Variants in NSG2 observed in about 807,000 individuals in gnomAD.
NSG2 encodes neuronal vesicle trafficking-associated protein 2.
NSG2 carries 4 observed loss-of-function variants against 16.9 expected under a neutral mutation model. That is an observed-to-expected ratio of 0.24 (90% confidence interval 0.12 to 0.54). The LOEUF (loss-of-function observed/expected upper bound fraction) is 0.54, where lower values mean the gene tolerates loss of function less well. Among genes scored for constraint, NSG2 ranks in the 20% least tolerant of loss-of-function variants. NSG2 has a pLI of 0.95. For synonymous variants in NSG2, 98 were observed against 88.7 expected, an observed-to-expected ratio of 1.11 and a Z score of -0.59; for missense variants, 179 against 221.1, an observed-to-expected ratio of 0.81 and a Z score of 1.21.
chr5:174,106,873 G>A (rs538767740), intron 4 of NSG2, among the ~76,000 whole-genome samples: 2 of 152,180 alleles, frequency 1.3e-5, no homozygotes, highest in South Asian at 2.1e-4. Context: ...AATTACAGGC[G>A]TGAGCCACCG....
intron 4 of NSG2, among the ~76,000 whole-genome samples, chr5:174,106,882 C>T (rs12514077): frequency 9.2e-5 from 14 of 151,820 alleles, no homozygotes; most frequent in Admixed American, 2.6e-4. Flanking sequence ...CGTGAGCCAC[C>T]GCATCCGGCA....
chr5:174,097,989 G>T (rs533231275), intron 3 of NSG2, among the ~76,000 whole-genome samples: 10 of 152,240 alleles, frequency 6.6e-5, no homozygotes, highest in African/African-American at 1.9e-4. Context: ...CGACTCGCTT[G>T]CTGCCCGAGG....
chr5:174,078,025 C>T (rs1760377736), intron 3 of NSG2, among the ~76,000 whole-genome samples: 1 of 152,210 alleles, frequency 6.6e-6, no homozygotes, highest in Non-Finnish European at 1.5e-5. Context: ...CCCTAGCCAC[C>T]TGTGGCTATA....
At chr5:174,066,371 C>G in intron 3 of NSG2, 1 of 417,734 alleles carries the variant, frequency 2.4e-6, no homozygotes, top group Non-Finnish European at 4.9e-6. Flanking sequence ...GCCTTCCTGG[C>G]AAGAGATCAC....
rs141995324 is a variant in NSG2, at chr5:174,080,917, A to T, written c.213+16602A>T. On this transcript the variant is annotated intron_variant, in intron 3 of 4. Transcript: ENST00000303177. Reference sequence around the variant, plus strand: ...AAGATTGCATCTGTTGAAGACTTTCATCACTTTCAGTTGAGCTGTAAGATC... The same window carrying T: ...AAGATTGCATCTGTTGAAGACTTTCTTCACTTTCAGTTGAGCTGTAAGATC... 6.1e-3 allele frequency among the ~76,000 whole-genome samples: 931 copies of T among 152,194 alleles called. 9 individuals are homozygous for T. Among genetic ancestry groups the T allele is most frequent in the African/African-American group, 0.021 (891 of 41,536 alleles).
Position 174,107,539 on chromosome 5 carries a change from G to A in NSG2, c.*34G>A. The A allele has an allele frequency of 1.3e-6, 2 of 1,552,368 alleles. No homozygotes were observed. The highest frequency in any genetic ancestry group is 1.8e-6 in the Non-Finnish European group (2 of 1,140,448). On this transcript the variant is annotated 3_prime_UTR_variant, in exon 5 of 5. Coordinates refer to ENST00000303177, the MANE Select transcript of NSG2 (RefSeq NM_015980.5). This position sits in a 1 kb window ranked among gnomAD's most constrained non-coding sequence, Gnocchi z 4.5. ...CCCAGCCAGAATGGGGGGCGGGGTGGAGAGGAGGACCCCCATTGGCTAAGC... is the reference window on the plus strand; with the variant it reads ...CCCAGCCAGAATGGGGGGCGGGGTGAAGAGGAGGACCCCCATTGGCTAAGC...
At chr5:174,079,133 G>A (rs924088321) in intron 3 of NSG2, among the ~76,000 whole-genome samples, 3 of 152,062 alleles carry the variant, frequency 2.0e-5, no homozygotes, top group Non-Finnish European at 4.4e-5. Context: ...GTGCCTAAGC[G>A]TGAGCTGCTC....
chr5:174,099,246 C>G (rs901081851), intron 3 of NSG2, among the ~76,000 whole-genome samples: 23 of 152,296 alleles, frequency 1.5e-4, no homozygotes, highest in African/African-American at 5.3e-4. Flanking sequence ...GCTCCCGCCC[C>G]ACCCCAGCAA....
At chr5:174,051,663 A>G in intron 2 of NSG2, among the ~76,000 whole-genome samples, 1 of 152,182 alleles carries the variant, frequency 6.6e-6, no homozygotes, top group East Asian at 1.9e-4. Flanking sequence ...ACAGCAATGA[A>G]AAGACAGCAT....
chr5:174,074,962 A>G (rs116711574), intron 3 of NSG2, among the ~76,000 whole-genome samples: 1,618 of 152,106 alleles, frequency 0.011, 18 homozygotes, highest in Non-Finnish European at 0.016. Context: ...CGGCTTTCCT[A>G]GAGTTCTGCT....
At chr5:174,059,409 T>C (rs1053560598) in intron 2 of NSG2, among the ~76,000 whole-genome samples, 4 of 152,236 alleles carry the variant, frequency 2.6e-5, no homozygotes, top group Non-Finnish European at 4.4e-5. Flanking sequence ...CTTGTATCTT[T>C]TGGTGGACCC....
At chr5:174,051,942 T>G (rs2113420234) in intron 2 of NSG2, among the ~76,000 whole-genome samples, 1 of 152,220 alleles carries the variant, frequency 6.6e-6, no homozygotes, top group African/African-American at 2.4e-5. Flanking sequence ...GGGGAGAGAC[T>G]TAAGAGATGA....
chr5:174,055,084 G>A (rs1759946561), intron 2 of NSG2, among the ~76,000 whole-genome samples: 1 of 152,178 alleles, frequency 6.6e-6, no homozygotes, highest in Non-Finnish European at 1.5e-5. Flanking sequence ...TGTTTCCGGA[G>A]GTCACAGGGC....
At chr5:174,060,637 C>G (rs1226263355) in intron 2 of NSG2, among the ~76,000 whole-genome samples, 1 of 131,108 alleles carries the variant, frequency 7.6e-6, no homozygotes, top group African/African-American at 4.2e-5. Context: ...TAGCTGGGTT[C>G]TCTGCACCAG....
chr5:174,046,027 T>C (rs1400182019), intron 1 of NSG2, 184 bp downstream of exon 1: 1 of 151,348 alleles, frequency 6.6e-6, no homozygotes, highest in Non-Finnish European at 1.5e-5. Flanking sequence ...TGGAGATGAA[T>C]AAATGTGATT....
chr5:174,074,631 C>T (rs1274546105), intron 3 of NSG2, among the ~76,000 whole-genome samples: 1 of 152,086 alleles, frequency 6.6e-6, no homozygotes, highest in African/African-American at 2.4e-5. Flanking sequence ...AGTGTGATGT[C>T]CTTAGTACGG....
At chr5:174,088,925 T>C (rs1361324075) in intron 3 of NSG2, among the ~76,000 whole-genome samples, 1 of 152,170 alleles carries the variant, frequency 6.6e-6, no homozygotes, top group Admixed American at 6.5e-5. Context: ...AAAGGTGAAG[T>C]CACAGTGAAA....
chr5:174,075,114 G>C (rs938323552), intron 3 of NSG2, among the ~76,000 whole-genome samples: 1 of 152,144 alleles, frequency 6.6e-6, no homozygotes, highest in Non-Finnish European at 1.5e-5. Flanking sequence ...AATAATAACA[G>C]CTTTATTTTA....
intron 3 of NSG2, among the ~76,000 whole-genome samples, chr5:174,080,302 TATGTTATATATATATAAA>T (rs1189604972): frequency 2.7e-5 from 4 of 148,650 alleles, no homozygotes; most frequent in African/African-American, 9.8e-5. Flanking sequence ...TATATTTATA[TATGTTATATATATATAAA>T]ATGTTATATA....
Sources: allele counts gnomAD v4.1 joint callset (sites outside exome capture counted in the v4.1 genomes callset), GRCh38; gene constraint gnomAD v4.1.1; non-coding constraint Gnocchi (gnomAD v3.1); transcripts MANE v1.5; gene names NCBI Gene and HGNC (gene_info 2026-07-23, HGNC 2026-07-21).